Variants in DROSHA observed in about 807,000 individuals in gnomAD.
The protein encoded by DROSHA is drosha ribonuclease III.
Under a neutral mutation model 181.9 loss-of-function variants are expected in DROSHA, and 56 were observed. The observed-to-expected ratio is 0.31, with a 90% confidence interval of 0.25 to 0.38. The LOEUF is 0.38. Among genes scored for constraint, DROSHA ranks in the 10% least tolerant of loss-of-function variants. DROSHA has a pLI of 1.00. For missense variants in DROSHA, 1,218 were observed against 1,743.5 expected (o/e 0.70, Z 5.37); for synonymous variants, 524 against 591.2 (o/e 0.89, Z 1.65).
At chr5:31,416,148 T>C (rs1474466354) in intron 30 of DROSHA, among the ~76,000 whole-genome samples, 4 of 152,360 alleles carry the variant, frequency 2.6e-5, no homozygotes, top group African/African-American at 9.6e-5. Flanking sequence ...CCAATGTGAA[T>C]TACTGTAGCT....
At chr5:31,432,416 G>A (rs961386112) in intron 25 of DROSHA, among the ~76,000 whole-genome samples, 5 of 152,186 alleles carry the variant, frequency 3.3e-5, no homozygotes, top group African/African-American at 1.2e-4. Flanking sequence ...ACAGGTGTGA[G>A]CCACCACGCC....
At chr5:31,451,697 A>C in intron 20 of DROSHA, 57 bp from the exon 21 acceptor site, 1 of 1,383,018 alleles carries the variant, frequency 7.2e-7, no homozygotes, top group Non-Finnish European at 1.0e-6. Flanking sequence ...AAGTCACTTC[A>C]TTTATTTTAC....
chr5:31,432,782 T>C (rs1373059945), intron 25 of DROSHA, among the ~76,000 whole-genome samples: 1 of 152,208 alleles, frequency 6.6e-6, no homozygotes, highest in East Asian at 1.9e-4. Flanking sequence ...CATTTCACTA[T>C]CTTACTCATA....
intron 16 of DROSHA, among the ~76,000 whole-genome samples, chr5:31,473,236 A>T (rs1237513836): frequency 6.6e-6 from 1 of 152,226 alleles, no homozygotes; most frequent in Non-Finnish European, 1.5e-5. Context: ...GGTCAGAGGA[A>T]TTAGTGGCAC....
chr5:31,467,320 T>C (rs1749189091), intron 18 of DROSHA: 1 of 150,080 alleles, frequency 6.7e-6, no homozygotes, highest in African/African-American at 2.4e-5. Flanking sequence ...GTCAGGAAGC[T>C]GTTTGTGTGT....
chr5:31,485,455 CA>C (rs1343352022), intron 14 of DROSHA, among the ~76,000 whole-genome samples: 2 of 151,694 alleles, frequency 1.3e-5, no homozygotes, highest in Non-Finnish European at 2.9e-5. Flanking sequence ...AACTCTGCAC[CA>C]AAATTTCTCC....
chr5:31,495,645 A>T (rs1365679041), intron 11 of DROSHA, among the ~76,000 whole-genome samples: 1 of 152,144 alleles, frequency 6.6e-6, no homozygotes, highest in Non-Finnish European at 1.5e-5. Flanking sequence ...CCTCCAAAAT[A>T]CCATGAACTT....
At chr5:31,487,526 C>T (rs1172450069) in intron 13 of DROSHA, among the ~76,000 whole-genome samples, 2 of 152,154 alleles carry the variant, frequency 1.3e-5, no homozygotes, top group Non-Finnish European at 2.9e-5. Flanking sequence ...GGGAAAATAA[C>T]AGACCCAGAA....
chr5:31,432,855 A>C (rs1744340621), intron 25 of DROSHA, among the ~76,000 whole-genome samples: 1 of 152,188 alleles, frequency 6.6e-6, no homozygotes. Flanking sequence ...ACAACATACA[A>C]ATCAATTCCA....
At chr5:31,449,553 C>T (rs150229072) in intron 21 of DROSHA, 134 bp from the exon 22 acceptor site, 52 of 940,330 alleles carry the variant, frequency 5.5e-5, no homozygotes, top group Middle Eastern at 3.3e-4. Context: ...CACAGTGAGA[C>T]GCCATCTCTA....
intron 20 of DROSHA, among the ~76,000 whole-genome samples, chr5:31,453,756 C>G (rs1217573108): frequency 6.6e-6 from 1 of 152,096 alleles, no homozygotes; most frequent in East Asian, 1.9e-4. Context: ...TTCGTGAGTA[C>G]CTTGGAAGGG....
rs574816991 is a variant in DROSHA at position 31,530,870 on chromosome 5, A to T, written c.-119T>A. 4 of 398,540 alleles carry T rather than the reference A, an allele frequency of 1.0e-5. No homozygotes were observed. In the South Asian group the frequency reaches 5.1e-4, roughly 51 times the overall value. The allele number at this position is 398,540 out of a possible 1,614,324, so 24.7% of individuals were successfully genotyped here. ...CCACTAGATTATCAGCTCCTTGATGATATGGGTTGATTCACAGTCATTTCT... is the reference window on the plus strand; with the variant it reads ...CCACTAGATTATCAGCTCCTTGATGTTATGGGTTGATTCACAGTCATTTCT... On this transcript the variant is annotated 5_prime_UTR_variant, in exon 3 of 36. Coordinates refer to ENST00000344624, the MANE Select transcript of DROSHA (RefSeq NM_001382508.1).
intron 25 of DROSHA, among the ~76,000 whole-genome samples, chr5:31,435,061 G>GAACAAC (rs1744627992): frequency 6.6e-6 from 1 of 152,180 alleles, no homozygotes; most frequent in African/African-American, 2.4e-5. Context: ...AGAAAGCAGA[G>GAACAAC]GCTTGGAGAA....
intron 10 of DROSHA, 132 bp from the exon 11 acceptor site, chr5:31,504,767 A>G: frequency 1.2e-6 from 1 of 859,948 alleles, no homozygotes; most frequent in Non-Finnish European, 1.8e-6. Flanking sequence ...CGGTTAGAAG[A>G]TTAAACGGAT....
At chr5:31,416,817 T>C (rs1046457479) in intron 30 of DROSHA, among the ~76,000 whole-genome samples, 3 of 152,178 alleles carry the variant, frequency 2.0e-5, no homozygotes, top group Admixed American at 6.5e-5. Context: ...GCTTTGCCTG[T>C]TCTTTAGAAA....
chr5:31,486,780 T>G, intron 13 of DROSHA: 2 of 451,260 alleles, frequency 4.4e-6, no homozygotes, highest in Non-Finnish European at 7.9e-6. Context: ...CTGCATAATG[T>G]GGTGCTTAAT....
chr5:31,414,383 A>C (rs1741708189), intron 30 of DROSHA, among the ~76,000 whole-genome samples: 1 of 152,184 alleles, frequency 6.6e-6, no homozygotes, highest in African/African-American at 2.4e-5. Context: ...CACCCAATTG[A>C]GCAGAAGACA....
chr5:31,435,641 G>A (rs983132486), intron 25 of DROSHA, 124 bp downstream of exon 25: 30 of 826,124 alleles, frequency 3.6e-5, no homozygotes, highest in Non-Finnish European at 1.5e-5. Flanking sequence ...AATACTTCCT[G>A]GTCTGTAAAA....
At chr5:31,438,224 G>T (rs1035251689) in intron 23 of DROSHA, among the ~76,000 whole-genome samples, 1 of 152,192 alleles carries the variant, frequency 6.6e-6, no homozygotes, top group East Asian at 1.9e-4. Context: ...CTGCCCCGTT[G>T]GTTGAGCACA....
Sources: allele counts gnomAD v4.1 joint callset (sites outside exome capture counted in the v4.1 genomes callset), GRCh38; gene constraint gnomAD v4.1.1; transcripts MANE v1.5; gene names NCBI Gene and HGNC (gene_info 2026-07-23, HGNC 2026-07-21).